The following TMX3 variants were observed in gnomAD, a reference collection of about 807,000 sequenced individuals.
TMX3 encodes the protein thioredoxin related transmembrane protein 3.
Under a neutral mutation model 64.4 loss-of-function variants are expected in TMX3, and 40 were observed. The ratio of observed to expected loss-of-function variants is 0.62; its 90% confidence interval spans 0.48 to 0.81. TMX3 has a LOEUF of 0.81. Among genes scored for constraint, TMX3 ranks in the 30% least tolerant of loss-of-function variants. The pLI, the probability that TMX3 is intolerant of heterozygous loss-of-function variation, is 0.00. For synonymous variants in TMX3, 189 were observed against 175.7 expected, an observed-to-expected ratio of 1.08 and a Z score of -0.60; for missense variants, 497 against 534.5, an observed-to-expected ratio of 0.93 and a Z score of 0.69.
rs2031425966 is a variant in TMX3, at chr18:68,712,831, TG to T, written c.101+1014del. The stretch of plus-strand genomic sequence containing the variant: ...CAGCATGAGCAGCGAAGTGCCCCCA[TG>T]GGACTGTCAGGATTTTTGCTCTTAC... On this transcript the variant is annotated intron_variant, in intron 2 of 15. Transcript: ENST00000299608. Among the ~76,000 whole-genome samples the T allele has an allele frequency of 7.2e-5, 11 of 152,138 alleles. No individual in the cohort carries two copies. In the South Asian group the frequency reaches 2.3e-3, roughly 32 times the overall value.
chr18:68,698,898 T>C (rs1185332915), intron 6 of TMX3, among the ~76,000 whole-genome samples: 1 of 65,262 alleles, frequency 1.5e-5, no homozygotes, highest in Non-Finnish European at 4.7e-5. Context: ...AGCGGGCGCC[T>C]GTAGTCCCAG....
intron 4 of TMX3, among the ~76,000 whole-genome samples, chr18:68,702,602 T>C (rs1227171577): frequency 6.6e-6 from 1 of 152,152 alleles, no homozygotes; most frequent in Non-Finnish European, 1.5e-5. Context: ...TTAACACACG[T>C]TATACCATAA....
In TMX3 at chr18:68,710,108, C is replaced by G. The variant is rs752745366; in HGVS notation, c.178G>C (p.Glu60Gln). The change falls in exon 4 of 16, where the codon GAA becomes CAA. Residue 60 changes from glutamate to glutamine, a missense_variant. This residue lies in a region of TMX3 where 360 missense variants were observed against 383.5 expected (regional missense o/e 0.94). Transcript: ENST00000299608. ...AGACCAACTTCATTCCAAATTGGTT[C>G]CAGCTTTTTACAATGGCCACACCAT... ...APWCGHCKKL[E>Q]PIWNEVGLEM... The G allele has an allele frequency of 3.1e-6, 5 of 1,599,678 alleles. No homozygotes were observed. The highest frequency in any genetic ancestry group is 4.3e-6 in the Non-Finnish European group (5 of 1,173,580).
chr18:68,713,644 A>G (rs1284543728), intron 2 of TMX3, among the ~76,000 whole-genome samples: 1 of 152,212 alleles, frequency 6.6e-6, no homozygotes. Flanking sequence ...AGAATATGTA[A>G]AAGTTTGCCA....
At chr18:68,701,712 A>T in intron 5 of TMX3, 33 bp downstream of exon 5, 1 of 1,611,132 alleles carries the variant, frequency 6.2e-7, no homozygotes, top group Non-Finnish European at 8.5e-7. Flanking sequence ...AACTAATAAA[A>T]ATACACATAT....
intron 2 of TMX3, among the ~76,000 whole-genome samples, chr18:68,713,585 T>C (rs769937340): frequency 2.2e-4 from 34 of 151,978 alleles, no homozygotes; most frequent in Non-Finnish European, 4.3e-4. Flanking sequence ...CCATTCAATA[T>C]AATTAAAGGA....
At chr18:68,700,989 A>C in intron 5 of TMX3, 1 of 985,286 alleles carries the variant, frequency 1.0e-6, no homozygotes, top group Non-Finnish European at 1.2e-6. Context: ...AAGCCAACCA[A>C]TGAATTAATC....
intron 14 of TMX3, 146 bp from the exon 15 acceptor site, chr18:68,679,677 G>A (rs1269710042): frequency 3.2e-6 from 2 of 629,990 alleles, no homozygotes; most frequent in East Asian, 6.0e-5. Flanking sequence ...AACATTTACT[G>A]TGTTGTTTTT....
At chr18:68,694,576 C>G (rs1706962529) in intron 8 of TMX3, among the ~76,000 whole-genome samples, 1 of 152,144 alleles carries the variant, frequency 6.6e-6, no homozygotes, top group African/African-American at 2.4e-5. Context: ...GGGCAGCCTG[C>G]CAGGCTGAGT....
intron 13 of TMX3, 64 bp downstream of exon 13, chr18:68,682,861 T>G (rs908774937): frequency 6.9e-7 from 1 of 1,442,254 alleles, no homozygotes; most frequent in Non-Finnish European, 9.6e-7. Flanking sequence ...CTTCTACCTG[T>G]ATCTCAGAAA....
intron 5 of TMX3, chr18:68,701,211 T>A: frequency 5.3e-6 from 1 of 190,440 alleles, no homozygotes; most frequent in Non-Finnish European, 9.7e-6. Flanking sequence ...TTTGAGATGT[T>A]AAAATATTTT....
intron 7 of TMX3, 189 bp from the exon 8 acceptor site, chr18:68,697,492 T>A (rs1261853809): frequency 9.6e-6 from 4 of 416,110 alleles, no homozygotes; most frequent in Non-Finnish European, 8.7e-6. Context: ...CCAACGTAAT[T>A]AAGAGCTTTT....
At position 68,697,119 on chromosome 18, in the gene TMX3, T is replaced by C. The variant is rs575535422; in HGVS notation, c.570+107A>G. On this transcript the variant is annotated intron_variant, in intron 8 of 15. Coordinates refer to ENST00000299608, the MANE Select transcript of TMX3 (RefSeq NM_019022.5). ...ATATCACAGTAAATAAATCTGATAT[T>C]AAAATCAATAATTTAATCAAGTAAT... 4 of 650,614 alleles carry C rather than the reference T, an allele frequency of 6.1e-6. No individual in the cohort carries two copies. The East Asian group carries it at 1.2e-4, about 20-fold the overall frequency. 40.3% of individuals were successfully genotyped at this position (650,614 alleles called of 1,614,324 possible).
chr18:68,686,940 C>A, intron 10 of TMX3: 3 of 983,498 alleles, frequency 3.1e-6, no homozygotes, highest in Non-Finnish European at 3.6e-6. Context: ...TAAGAGTAGG[C>A]AATCATGAAG....
chr18:68,683,617 TC>T (rs1913660783), intron 12 of TMX3, among the ~76,000 whole-genome samples: 1 of 152,154 alleles, frequency 6.6e-6, no homozygotes, highest in Non-Finnish European at 1.5e-5. Flanking sequence ...ATAAAACGCA[TC>T]TCAAATCCTA....
chr18:68,676,816 T>C lies in TMX3; in HGVS notation c.*117A>G. 7.6e-7 allele frequency: 1 copy of C among 1,324,010 alleles called. No individual in the cohort carries two copies. Among genetic ancestry groups the C allele is most frequent in the South Asian group, 1.5e-5 (1 of 66,254 alleles). 82.0% of individuals were successfully genotyped at this position (1,324,010 alleles called of 1,614,324 possible). On this transcript the variant is annotated 3_prime_UTR_variant, in exon 16 of 16. Coordinates refer to ENST00000299608, the MANE Select transcript of TMX3 (RefSeq NM_019022.5). ...CTACTTTAATCCATGCAGTTGATATTAGCAAAATACGAATAACATGTTCTT... is the reference window on the plus strand; with the variant it reads ...CTACTTTAATCCATGCAGTTGATATCAGCAAAATACGAATAACATGTTCTT...
chr18:68,681,700 A>G (rs893259323), intron 13 of TMX3, among the ~76,000 whole-genome samples: 3 of 152,330 alleles, frequency 2.0e-5, no homozygotes, highest in South Asian at 2.1e-4. Flanking sequence ...AACCTAATAC[A>G]TTGCAATAAC....
intron 15 of TMX3, among the ~76,000 whole-genome samples, chr18:68,678,091 C>T (rs552981879): frequency 1.9e-4 from 29 of 151,884 alleles, no homozygotes; most frequent in South Asian, 1.7e-3. Context: ...GGAGACTGGG[C>T]AAGTGGAAGT....
intron 10 of TMX3, among the ~76,000 whole-genome samples, chr18:68,686,212 T>C (rs528292365): frequency 3.9e-5 from 6 of 152,254 alleles, no homozygotes; most frequent in Admixed American, 1.3e-4. Flanking sequence ...AGCTGATGCC[T>C]AACAGGGGCA....
Sources: allele counts gnomAD v4.1 joint callset (sites outside exome capture counted in the v4.1 genomes callset), GRCh38; gene constraint gnomAD v4.1.1; regional missense constraint gnomAD v4.1.1; transcripts MANE v1.5; gene names NCBI Gene and HGNC (gene_info 2026-07-23, HGNC 2026-07-21).